TMCO1: variants seen among roughly 807,000 people sequenced by gnomAD.
The protein encoded by TMCO1 is transmembrane and coiled-coil domains 1, also known as calcium load-activated calcium channel.
In TMCO1, 29 loss-of-function variants were observed where a neutral mutation model predicts 29.3. The ratio of observed to expected loss-of-function variants is 0.99; its 90% CI spans 0.74 to 1.35. The LOEUF (loss-of-function observed/expected upper bound fraction) is 1.35. Among genes scored for constraint, TMCO1 ranks in the 40% most tolerant of loss-of-function variants. The pLI, the probability that TMCO1 is intolerant of heterozygous loss-of-function variation, is 0.00. For synonymous variants in TMCO1, 80 were observed against 77.1 expected (o/e 1.04, Z -0.20); for missense variants, 173 against 225.5 (o/e 0.77, Z 1.49).
At chr1:165,739,316 T>TC (rs112089193) in intron 6 of TMCO1, among the ~76,000 whole-genome samples, 2,016 of 152,260 alleles carry the variant, frequency 0.013, 52 homozygotes, top group African/African-American at 0.047. Flanking sequence ...CCTGATAAAA[T>TC]AACTGACACA....
upstream of TMCO1, chr1:165,768,910 C>A (rs1386950525): frequency 6.5e-7 from 1 of 1,543,034 alleles, no homozygotes; most frequent in East Asian, 2.4e-5. Context: ...GGCATAGCAC[C>A]GGAAAGGCTC....
intron 3 of TMCO1, chr1:165,755,007 A>G (rs1452855340): frequency 6.6e-6 from 1 of 152,208 alleles, no homozygotes; most frequent in African/African-American, 2.4e-5. Flanking sequence ...ACAAAAACAA[A>G]AACAAAAACA....
rs1276450478 is a variant in TMCO1, at chr1:165,726,947, C to T, written c.*1076G>A. On this transcript the variant is annotated 3_prime_UTR_variant, in exon 7 of 7. Coordinates refer to ENST00000367881, the MANE Select transcript of TMCO1 (RefSeq NM_019026.6). ...AGAAAGAAGTTTGCTGTTGGTTTAA[C>T]AATGATTACCTTGAAAATTATGTGT... 2.2e-6 allele frequency: 1 copy of T among 453,928 alleles called. No individual in the cohort carries two copies. The highest frequency in any genetic ancestry group is 2.0e-5 in the African/African-American group (1 of 49,986). 28.1% of individuals were successfully genotyped at this position (453,928 alleles called of 1,614,324 possible). A position where few individuals can be genotyped will look rare whatever the true frequency, so the allele number is the denominator to read the frequency against.
chr1:165,748,735 T>G (rs1651892899), intron 5 of TMCO1, among the ~76,000 whole-genome samples: 1 of 152,208 alleles, frequency 6.6e-6, no homozygotes. Flanking sequence ...TCATTCTTGG[T>G]GTTGTACATT....
chr1:165,763,906 C>A (rs1186757354), intron 2 of TMCO1, among the ~76,000 whole-genome samples: 2 of 152,190 alleles, frequency 1.3e-5, no homozygotes, highest in East Asian at 3.8e-4. Context: ...GGATTACAGG[C>A]GTAAGCCACT....
intron 5 of TMCO1, 138 bp downstream of exon 5, chr1:165,751,964 G>T: frequency 2.8e-6 from 2 of 703,350 alleles, no homozygotes; most frequent in Non-Finnish European, 2.5e-6. Context: ...TGTAGGTAAT[G>T]GATATACTAT....
rs182144516 is a variant in TMCO1 at position 165,727,711 on chromosome 1, T to C, written c.*312A>G. 1.3e-5 allele frequency: 6 copies of C among 455,450 alleles called. No homozygotes were observed. Among genetic ancestry groups the C allele is most frequent in the African/African-American group, 8.0e-5 (4 of 50,178 alleles). 28.2% of individuals were successfully genotyped at this position (455,450 alleles called of 1,614,324 possible). A position where few individuals can be genotyped will look rare whatever the true frequency, so the allele number is the denominator to read the frequency against. On this transcript the variant is annotated 3_prime_UTR_variant, in exon 7 of 7. Coordinates refer to ENST00000367881, the MANE Select transcript of TMCO1 (RefSeq NM_019026.6). ...AACTTGCAGGGCATACACAGTGCCT[T>C]GAGAGTCGGTCCCACAGAAAATACT...
intron 2 of TMCO1, among the ~76,000 whole-genome samples, chr1:165,767,740 C>T (rs1461125720): frequency 6.6e-6 from 1 of 152,120 alleles, no homozygotes; most frequent in African/African-American, 2.4e-5. Flanking sequence ...AGTGTAGTGA[C>T]ACCATCGTGG....
downstream of TMCO1, chr1:165,725,127 T>A (rs150021293): frequency 0.011 from 4,728 of 415,134 alleles, 123 homozygotes; most frequent in Admixed American, 0.042. Flanking sequence ...TAGAATAAAT[T>A]AAAAGACTGA....
chr1:165,768,623 G>A, intron 1 of TMCO1, 59 bp downstream of exon 1: 1 of 1,613,174 alleles, frequency 6.2e-7, no homozygotes, highest in Non-Finnish European at 8.5e-7. Flanking sequence ...TGGCACAGGG[G>A]ACCCCGGGGC....
intron 4 of TMCO1, 75 bp from the exon 5 acceptor site, chr1:165,752,244 T>A: frequency 8.7e-7 from 1 of 1,154,434 alleles, no homozygotes; most frequent in Non-Finnish European, 1.3e-6. Context: ...AAGTTTTGGT[T>A]TCATGTCATT....
Position 165,730,986 on chromosome 1 carries a change from G to A in TMCO1, c.469-2865C>T, listed in dbSNP as rs539644524. On this transcript the variant is annotated intron_variant, in intron 6 of 6. Transcript: ENST00000367881. ...GCGATCTTGGCTCACTGCAACCTCC[G>A]CCTCCCAGGTTCAAGCGATCCTCCT... Among the ~76,000 whole-genome samples the A allele has an allele frequency of 5.3e-5, 8 of 151,440 alleles. No homozygotes were observed. In the South Asian group the frequency reaches 1.0e-3, roughly 20 times the overall value.
chr1:165,749,777 A>G (rs1651931460), intron 5 of TMCO1, among the ~76,000 whole-genome samples: 1 of 152,202 alleles, frequency 6.6e-6, no homozygotes, highest in Non-Finnish European at 1.5e-5. Context: ...ACAACAAAAA[A>G]TATTTTCCAA....
Position 165,727,011 on chromosome 1 carries a change from T to C in TMCO1, c.*1012A>G, listed in dbSNP as rs557959121. 9.7e-5 allele frequency: 44 copies of C among 454,096 alleles called. No individual in the cohort carries two copies. Among genetic ancestry groups the C allele is most frequent in the South Asian group, 6.4e-4 (41 of 64,472 alleles). 28.1% of individuals were successfully genotyped at this position (454,096 alleles called of 1,614,324 possible). ...TAGAATACTCACATTTAAGTAGACATTTGATGAATGTGCATATTTATTGAT... is the reference window on the plus strand; with the variant it reads ...TAGAATACTCACATTTAAGTAGACACTTGATGAATGTGCATATTTATTGAT... On this transcript the variant is annotated 3_prime_UTR_variant, in exon 7 of 7. Coordinates refer to ENST00000367881, the MANE Select transcript of TMCO1 (RefSeq NM_019026.6).
chr1:165,745,501 G>T (rs1651765986), intron 5 of TMCO1, among the ~76,000 whole-genome samples: 1 of 124,356 alleles, frequency 8.0e-6, no homozygotes, highest in Non-Finnish European at 1.7e-5. Flanking sequence ...AAAAAAATTA[G>T]CCACGTGTCA....
chr1:165,748,116 G>A (rs1558036337), intron 5 of TMCO1, among the ~76,000 whole-genome samples: 1 of 150,908 alleles, frequency 6.6e-6, no homozygotes, highest in Admixed American at 6.6e-5. Context: ...CCCAGATCAC[G>A]CCACTGCACT....
At chr1:165,731,717 G>T (rs535600767) in intron 6 of TMCO1, among the ~76,000 whole-genome samples, 2 of 152,120 alleles carry the variant, frequency 1.3e-5, no homozygotes, top group Admixed American at 1.3e-4. Context: ...TGCTCTAGAC[G>T]GGAATATCTC....
At chr1:165,750,254 T>C (rs915599514) in intron 5 of TMCO1, among the ~76,000 whole-genome samples, 4 of 152,036 alleles carry the variant, frequency 2.6e-5, no homozygotes, top group Non-Finnish European at 5.9e-5. Context: ...ACAGAGTACA[T>C]CCTGGCCAGG....
intron 5 of TMCO1, among the ~76,000 whole-genome samples, chr1:165,749,060 C>T (rs553987762): frequency 2.3e-4 from 35 of 152,232 alleles, no homozygotes; most frequent in Admixed American, 6.5e-4. Flanking sequence ...TCTAGTTGTA[C>T]CACAGTTTGT....
Sources: gnomAD v4.1 joint callset for allele counts (sites outside exome capture counted in the v4.1 genomes callset) on GRCh38, gnomAD v4.1.1 for gene constraint, MANE v1.5 for transcripts, NCBI Gene and HGNC (gene_info 2026-07-23, HGNC 2026-07-21) for gene names.